Variants in ACOX3 observed in about 807,000 individuals in gnomAD.
ACOX3 encodes the protein peroxisomal acyl-coenzyme A oxidase 3.
Under a neutral mutation model 81.5 loss-of-function variants are expected in ACOX3, and 73 were observed. The ratio of observed to expected loss-of-function variants is 0.90; its 90% CI spans 0.74 to 1.09. The LOEUF (loss-of-function observed/expected upper bound fraction) is 1.09. ACOX3 is among the 50% of genes least tolerant of loss of function. The pLI is 0.00. For missense variants in ACOX3, 947 were observed against 928.0 expected (o/e 1.02, Z -0.27); for synonymous variants, 387 against 375.1 (o/e 1.03, Z -0.37).
rs573896201 is a variant in ACOX3, at chr4:8,366,707, G to A, written c.*254C>T. 1.1e-4 allele frequency: 37 copies of A among 330,390 alleles called. No homozygotes were observed. In the East Asian group the frequency reaches 2.0e-3, roughly 18 times the overall value. 20.5% of individuals were successfully genotyped at this position (330,390 alleles called of 1,614,324 possible). On this transcript the variant is annotated 3_prime_UTR_variant, in exon 18 of 18. Transcript: ENST00000356406. ...AATTCTAATTATCAAAAAACCCACG[G>A]CGCATCAGGTAGACATGATCATCTG...
the ACOX3 span, among the ~76,000 whole-genome samples, chr4:8,358,948 T>A: frequency 6.6e-6 from 1 of 152,180 alleles, no homozygotes; most frequent in East Asian, 1.9e-4. Flanking sequence ...AATTCTTTCT[T>A]GCGTGAGATC....
chr4:8,375,312 C>G (rs895951528), intron 14 of ACOX3, among the ~76,000 whole-genome samples, 160 bp from the exon 15 acceptor site: 1 of 152,218 alleles, frequency 6.6e-6, no homozygotes, highest in African/African-American at 2.4e-5. Flanking sequence ...CGGCGCAGCA[C>G]GAGACATGTT....
chr4:8,356,621 C>A, the ACOX3 span: 1 of 456,096 alleles, frequency 2.2e-6, no homozygotes, highest in Non-Finnish European at 4.4e-6. Context: ...AACATGATCC[C>A]GGCAGGTGAG....
At chr4:8,427,346 C>T (rs946899480) in intron 1 of ACOX3, among the ~76,000 whole-genome samples, 3 of 152,220 alleles carry the variant, frequency 2.0e-5, no homozygotes, top group Non-Finnish European at 4.4e-5. Context: ...AATCTTGCAA[C>T]TGCACACTTT....
Position 8,405,669 on chromosome 4 carries a change from G to A in ACOX3, c.776+286C>T, listed in dbSNP as rs1411262359. ...AGAGGAGGCAGCCCCCCAGGCAGGG[G>A]CCCCACCAGTTGTACACAGAGGTCT... On this transcript the variant is annotated intron_variant, in intron 7 of 17. Transcript: ENST00000356406. The surrounding 1 kb of genome is among the most constrained non-coding windows in gnomAD (Gnocchi z 7.1). Among the ~76,000 whole-genome samples the A allele has an allele frequency of 2.0e-5, 3 of 152,326 alleles. No homozygotes were observed. In the East Asian group the frequency reaches 5.8e-4, roughly 29 times the overall value.
At position 8,381,208 on chromosome 4, in the gene ACOX3, G is replaced by C. The variant is rs960108822; in HGVS notation, c.1653+284C>G. 1.3e-5 allele frequency among the ~76,000 whole-genome samples: 2 copies of C among 152,158 alleles called. No homozygotes were observed. The highest frequency in any genetic ancestry group is 6.5e-5 in the Admixed American group (1 of 15,274). ...GTCTCCGCCACTCTGTGCATCCAAG[G>C]CTCTCACAACCCAGAGCTTCACCGC... On this transcript the variant is annotated intron_variant, in intron 14 of 17. Transcript: ENST00000356406. The surrounding 1 kb of genome is among the most constrained non-coding windows in gnomAD (Gnocchi z 4.3).
In ACOX3 at chr4:8,415,748, C is replaced by T. The variant is rs1722257881; in HGVS notation, c.378+18G>A. On this transcript the variant is annotated intron_variant, in intron 3 of 17. Transcript: ENST00000356406. ...CAGCATGAAAGCCGTTTCCCTCTCC[C>T]CTAGGCCGCATGCTCACCAAGCTAT... 1 of 1,610,636 alleles carries T rather than the reference C, an allele frequency of 6.2e-7. No individual in the cohort carries two copies.
chr4:8,389,404 C>T lies in ACOX3; in HGVS notation c.1424-118G>A, dbSNP rs1350161000. The T allele has an allele frequency of 7.8e-7, 1 of 1,280,450 alleles. No individual in the cohort carries two copies. The highest frequency in any genetic ancestry group is 1.1e-6 in the Non-Finnish European group (1 of 924,498). The allele number at this position is 1,280,450 out of a possible 1,614,324, so 79.3% of individuals were successfully genotyped here. A position where few individuals can be genotyped will look rare whatever the true frequency, so the allele number is the denominator to read the frequency against. On this transcript the variant is annotated intron_variant, in intron 12 of 17. Transcript: ENST00000356406. The surrounding 1 kb of genome is among the most constrained non-coding windows in gnomAD (Gnocchi z 5.3). Reference sequence around the variant, plus strand: ...CCAGAGGACCCGACGGCCACAGACCCACAGGCGAGGGTCTGGGTCTCAAGG... The same window carrying T: ...CCAGAGGACCCGACGGCCACAGACCTACAGGCGAGGGTCTGGGTCTCAAGG...
At position 8,394,794 on chromosome 4, in the gene ACOX3, A is replaced by G. The variant is rs1578912938; in HGVS notation, c.1057-52T>C. On this transcript the variant is annotated intron_variant, in intron 9 of 17. Coordinates refer to ENST00000356406, the MANE Select transcript of ACOX3 (RefSeq NM_003501.3). This position sits in a 1 kb window ranked among gnomAD's most constrained non-coding sequence, Gnocchi z 5.9. ...ACACATCGTGGTTCCCATGAAGGGC[A>G]GCCCATCCCAGGGACCATGAAAGCC... is the stretch of plus-strand genomic sequence containing the variant. 1 of 1,581,470 alleles carries G rather than the reference A, an allele frequency of 6.3e-7. No homozygotes were observed. Among genetic ancestry groups the G allele is most frequent in the African/African-American group, 1.3e-5 (1 of 74,338 alleles).
rs899960047 is a variant in ACOX3 at position 8,416,261 on chromosome 4, C to T, written c.144+117G>A. 15 of 1,564,938 alleles carry T rather than the reference C, an allele frequency of 9.6e-6. No individual in the cohort carries two copies. Among genetic ancestry groups the T allele is most frequent in the Non-Finnish European group, 1.3e-5 (15 of 1,141,296 alleles). ...TGCAGAGAGGAGAGAGGCCGCGCTG[C>T]CTGGGATGAGCCTCGCCCGGCAGAG... On this transcript the variant is annotated intron_variant, in intron 2 of 17. Transcript: ENST00000356406. The surrounding 1 kb of genome is among the most constrained non-coding windows in gnomAD (Gnocchi z 4.2).
In ACOX3 at chr4:8,382,641, A is replaced by G. The variant is rs1362398388; in HGVS notation, c.1538-1034T>C. ...ACACTGAGTCTGAGCCCAAAGGCTG[A>G]ACTCAGTGGGGCTTGGGATTTCCTT... is the stretch of plus-strand genomic sequence containing the variant. On this transcript the variant is annotated intron_variant, in intron 13 of 17. Transcript: ENST00000356406. The surrounding 1 kb of genome is among the most constrained non-coding windows in gnomAD (Gnocchi z 4.1). 6.6e-6 allele frequency among the ~76,000 whole-genome samples: 1 copy of G among 152,228 alleles called. No homozygotes were observed. The highest frequency in any genetic ancestry group is 2.4e-5 in the African/African-American group (1 of 41,466).
the ACOX3 span, chr4:8,357,495 T>C: frequency 3.0e-6 from 1 of 333,324 alleles, no homozygotes; most frequent in African/African-American, 2.1e-5. Context: ...GTTTTCTACA[T>C]TACCAAAATA....
At position 8,412,374 on chromosome 4, in the gene ACOX3, T is replaced by C. The variant is rs1015743283; in HGVS notation, c.543+1918A>G. Among the ~76,000 whole-genome samples, 4 of 151,284 alleles carry C rather than the reference T, an allele frequency of 2.6e-5. No homozygotes were observed. The East Asian group carries it at 5.9e-4, about 22-fold the overall frequency. ...CTTCCATGCAGTACCCCAGGCACAG[T>C]CCACACAGCCCAGGCTGTGGAATGA... On this transcript the variant is annotated intron_variant, in intron 5 of 17. Transcript: ENST00000356406.
rs559115170 is a variant in ACOX3 at position 8,437,512 on chromosome 4, A to G, written c.-15+3136T>C. ...CTGCCTGGCCCCGCCAGGTGGCCAT[A>G]GAAGCAGGAGAACTCAGGAAGGAAA... On this transcript the variant is annotated intron_variant, in intron 1 of 17. Coordinates refer to ENST00000356406, the MANE Select transcript of ACOX3 (RefSeq NM_003501.3). The surrounding 1 kb of genome is among the most constrained non-coding windows in gnomAD (Gnocchi z 5.2). Among the ~76,000 whole-genome samples the G allele has an allele frequency of 2.6e-5, 4 of 152,232 alleles. No homozygotes were observed. Among genetic ancestry groups the G allele is most frequent in the Admixed American group, 6.5e-5 (1 of 15,308 alleles).
rs10938710 is a variant in ACOX3 at position 8,386,406 on chromosome 4, A to T, written c.1537+2767T>A. On this transcript the variant is annotated intron_variant, in intron 13 of 17. Transcript: ENST00000356406. The surrounding 1 kb of genome is among the most constrained non-coding windows in gnomAD (Gnocchi z 5.2). ...ACGGTGAAACTCCGTCTCTACTAAA[A>T]ATACAAAAAATTAGCCGGGTGTGGT... Among the ~76,000 whole-genome samples, 1 of 151,554 alleles carries T rather than the reference A, an allele frequency of 6.6e-6. No individual in the cohort carries two copies. Among genetic ancestry groups the T allele is most frequent in the Non-Finnish European group, 1.5e-5 (1 of 67,920 alleles).
the ACOX3 span, among the ~76,000 whole-genome samples, chr4:8,360,133 CTCTTT>C: frequency 6.6e-6 from 1 of 152,190 alleles, no homozygotes; most frequent in Non-Finnish European, 1.5e-5. Context: ...GCCATGCTTT[CTCTTT>C]TCACAATGGT....
At chr4:8,364,674 T>C (rs1422039144), downstream of ACOX3, among the ~76,000 whole-genome samples, 1 of 152,264 alleles carries the variant, frequency 6.6e-6, no homozygotes, top group Non-Finnish European at 1.5e-5. The surrounding 1 kb of genome is among the most constrained non-coding windows in gnomAD (Gnocchi z 5.0). Context: ...CCGTCATATA[T>C]GACACCGAAG....
rs545418283 is a variant in ACOX3 at position 8,407,374 on chromosome 4, C to G, written c.688-1331G>C. Among the ~76,000 whole-genome samples the G allele has an allele frequency of 1.3e-5, 2 of 152,324 alleles. No individual in the cohort carries two copies. The highest frequency in any genetic ancestry group is 3.9e-4 in the East Asian group (2 of 5,180). On this transcript the variant is annotated intron_variant, in intron 6 of 17. Coordinates refer to ENST00000356406, the MANE Select transcript of ACOX3 (RefSeq NM_003501.3). The surrounding 1 kb of genome is among the most constrained non-coding windows in gnomAD (Gnocchi z 4.6). ...AGCTCGTGTCCTCAGTCTCTTGCCT[C>G]GGCACCTGGGTGGCTTGCCGCCCAC...
rs141675188 is a variant in ACOX3 at position 8,376,112 on chromosome 4, A to C, written c.1654-960T>G. Reference sequence around the variant, plus strand: ...CCAAGCTGCCCTCCACGGTGGCTGAACGAATCTGCGTTCCCACCAACCGTG... The same window carrying C: ...CCAAGCTGCCCTCCACGGTGGCTGACCGAATCTGCGTTCCCACCAACCGTG... On this transcript the variant is annotated intron_variant, in intron 14 of 17. Transcript: ENST00000356406. 7.6e-3 allele frequency among the ~76,000 whole-genome samples: 1,154 copies of C among 152,268 alleles called. 13 individuals carry two copies. The highest frequency in any genetic ancestry group is 0.026 in the African/African-American group (1,073 of 41,546).
Sources: allele counts gnomAD v4.1 joint callset (sites outside exome capture counted in the v4.1 genomes callset), GRCh38; gene constraint gnomAD v4.1.1; non-coding constraint Gnocchi (gnomAD v3.1); transcripts MANE v1.5; gene names NCBI Gene and HGNC (gene_info 2026-07-23, HGNC 2026-07-21).